The following ATRNL1 variants were observed in gnomAD, a reference collection of about 807,000 sequenced individuals.
ATRNL1 encodes attractin-like protein 1.
ATRNL1 carries 95 observed loss-of-function variants against 182.7 expected under a neutral mutation model. That is an observed-to-expected ratio of 0.52 (90% CI 0.44 to 0.62). ATRNL1 has a LOEUF of 0.62. Among genes scored for constraint, ATRNL1 ranks in the 20% least tolerant of loss-of-function variants. The pLI is 0.00. For missense variants in ATRNL1, 1,471 were observed against 1,679.5 expected, an observed-to-expected ratio of 0.88 and a Z score of 2.17; for synonymous variants, 576 against 568.3, an observed-to-expected ratio of 1.01 and a Z score of -0.19.
At chr10:115,642,286 A>G (rs1459959675) in intron 26 of ATRNL1, among the ~76,000 whole-genome samples, 1 of 152,218 alleles carries the variant, frequency 6.6e-6, no homozygotes, top group Non-Finnish European at 1.5e-5. Context: ...GAATTTAACA[A>G]AGTGTTCTGA....
intron 21 of ATRNL1, among the ~76,000 whole-genome samples, chr10:115,455,256 G>A (rs1172574166): frequency 1.3e-5 from 2 of 152,034 alleles, no homozygotes; most frequent in Non-Finnish European, 2.9e-5. Context: ...ATCATGGGGT[G>A]TGGTCCTTTT....
intron 28 of ATRNL1, among the ~76,000 whole-genome samples, chr10:115,873,903 G>A (rs1316937443): frequency 1.3e-5 from 2 of 152,104 alleles, no homozygotes; most frequent in Admixed American, 6.5e-5. Flanking sequence ...TAATTGCATC[G>A]ATCAGTTAAA....
intron 13 of ATRNL1, among the ~76,000 whole-genome samples, chr10:115,274,611 T>C (rs782058028): frequency 1.3e-5 from 2 of 152,166 alleles, no homozygotes; most frequent in Non-Finnish European, 2.9e-5. Flanking sequence ...GTTATCAATA[T>C]TATGGATCAG....
In ATRNL1 at chr10:115,575,542, C is replaced by T. The variant is rs539799653; in HGVS notation, c.3795+26006C>T. ...CATTGTTCATCACGTAGTCATTTGC[C>T]GTTCCTGTTAGTGTTTTCCAAGTGT... On this transcript the variant is annotated intron_variant, in intron 26 of 28. Transcript: ENST00000355044. Among the ~76,000 whole-genome samples, 160 of 152,144 alleles carry T rather than the reference C, an allele frequency of 1.1e-3. 1 individual carries two copies. The highest frequency in any genetic ancestry group is 3.7e-3 in the African/African-American group (154 of 41,522).
intron 27 of ATRNL1, among the ~76,000 whole-genome samples, chr10:115,847,568 A>C (rs1439824767): frequency 6.6e-6 from 1 of 152,160 alleles, no homozygotes; most frequent in Non-Finnish European, 1.5e-5. Context: ...AATTGTGATC[A>C]CTTAATTAGA....
intron 19 of ATRNL1, among the ~76,000 whole-genome samples, chr10:115,345,000 C>T (rs1481760000): frequency 1.3e-5 from 2 of 152,182 alleles, no homozygotes; most frequent in African/African-American, 4.8e-5. Context: ...TCCACTTTTC[C>T]CACACCTCTT....
intron 13 of ATRNL1, among the ~76,000 whole-genome samples, chr10:115,272,738 G>A (rs144464237): frequency 2.0e-5 from 3 of 152,224 alleles, no homozygotes; most frequent in East Asian, 1.9e-4. Flanking sequence ...GTATTACTAC[G>A]TAGCTGGCAC....
chr10:115,897,283 TATC>T (rs1404270981), intron 28 of ATRNL1, among the ~76,000 whole-genome samples: 2 of 152,280 alleles, frequency 1.3e-5, no homozygotes, highest in Middle Eastern at 3.4e-3. Context: ...CAAATCATAA[TATC>T]ATCTGTTGGC....
chr10:115,835,428 T>G (rs1213537851), intron 27 of ATRNL1, among the ~76,000 whole-genome samples: 1 of 152,156 alleles, frequency 6.6e-6, no homozygotes, highest in African/African-American at 2.4e-5. Context: ...TCTGCCCTTT[T>G]TTGAAGATAA....
intron 24 of ATRNL1, among the ~76,000 whole-genome samples, chr10:115,509,066 G>A (rs1261401339): frequency 1.3e-5 from 2 of 151,876 alleles, no homozygotes; most frequent in Non-Finnish European, 2.9e-5. Context: ...AAAATCCTAC[G>A]GTCCTTAAGA....
intron 19 of ATRNL1, among the ~76,000 whole-genome samples, chr10:115,372,437 A>G (rs1041502791): frequency 6.6e-6 from 1 of 152,162 alleles, no homozygotes; most frequent in Non-Finnish European, 1.5e-5. Flanking sequence ...TTTTGGGACC[A>G]TGTTCAAAAT....
chr10:115,936,430 G>A (rs546522651), intron 28 of ATRNL1, among the ~76,000 whole-genome samples: 17 of 152,240 alleles, frequency 1.1e-4, no homozygotes, highest in African/African-American at 2.6e-4. Flanking sequence ...TATAGTAGGC[G>A]CTCAAGAAAC....
rs868955182 is a variant in ATRNL1 at position 115,524,396 on chromosome 10, A to G, written c.3716+5072A>G. Among the ~76,000 whole-genome samples, 6 of 152,332 alleles carry G rather than the reference A, an allele frequency of 3.9e-5. No individual in the cohort carries two copies. In the Middle Eastern group the frequency reaches 0.014, roughly 345 times the overall value. ...GTAAATAATTCAAAAATTGAAAAGA[A>G]TAATTTTTTAAATAAACTCTTCTTG... is the stretch of plus-strand genomic sequence containing the variant. On this transcript the variant is annotated intron_variant, in intron 25 of 28. Coordinates refer to ENST00000355044, the MANE Select transcript of ATRNL1 (RefSeq NM_207303.4).
chr10:115,411,263 A>G (rs1018737521), intron 20 of ATRNL1, among the ~76,000 whole-genome samples: 5 of 150,448 alleles, frequency 3.3e-5, no homozygotes, highest in African/African-American at 1.2e-4. Context: ...AAATATTTAA[A>G]TAAATTAAAT....
Position 115,441,642 on chromosome 10 carries a change from TTC to T in ATRNL1, c.3322+15342_3322+15343del, listed in dbSNP as rs1490443197. ...GAGCTGCAAACTGATTTCTCTGACT[TTC>T]TGTTTGATATCATCATTTAGATATT... is the stretch of plus-strand genomic sequence containing the variant. On this transcript the variant is annotated intron_variant, in intron 21 of 28. Coordinates refer to ENST00000355044, the MANE Select transcript of ATRNL1 (RefSeq NM_207303.4). Among the ~76,000 whole-genome samples, 3 of 152,086 alleles carry T rather than the reference TTC, an allele frequency of 2.0e-5. No individual in the cohort carries two copies. In the South Asian group the frequency reaches 6.2e-4, roughly 32 times the overall value.
intron 28 of ATRNL1, among the ~76,000 whole-genome samples, chr10:115,905,697 A>G (rs1405299061): frequency 1.3e-5 from 2 of 152,152 alleles, no homozygotes; most frequent in Admixed American, 6.5e-5. Context: ...ACTCCAGTAA[A>G]TGTTCTTGAA....
At chr10:115,283,031 A>AT (rs1208864573) in intron 14 of ATRNL1, among the ~76,000 whole-genome samples, 2 of 152,054 alleles carry the variant, frequency 1.3e-5, no homozygotes, top group Admixed American at 6.6e-5. Context: ...ATTCTAAAAC[A>AT]TATTGGAAAA....
At chr10:115,241,964 C>G (rs964774297) in intron 10 of ATRNL1, among the ~76,000 whole-genome samples, 1 of 151,828 alleles carries the variant, frequency 6.6e-6, no homozygotes, top group African/African-American at 2.4e-5. Flanking sequence ...ATTTGGATGT[C>G]CTTTTTGAAG....
intron 9 of ATRNL1, among the ~76,000 whole-genome samples, chr10:115,236,454 T>A (rs1554901441): frequency 6.6e-6 from 1 of 152,216 alleles, no homozygotes; most frequent in African/African-American, 2.4e-5. Context: ...TTATGCTTCA[T>A]ACATTACAAA....
Sources: allele counts gnomAD v4.1 joint callset (sites outside exome capture counted in the v4.1 genomes callset), GRCh38; gene constraint gnomAD v4.1.1; transcripts MANE v1.5; gene names NCBI Gene and HGNC (gene_info 2026-07-23, HGNC 2026-07-21).